The following SMC3 variants were observed in gnomAD, a reference collection of about 807,000 sequenced individuals.
The protein encoded by SMC3 is structural maintenance of chromosomes 3.
SMC3 carries 20 observed loss-of-function variants against 171.8 expected under a neutral mutation model. The ratio of observed to expected loss-of-function variants is 0.12; its 90% CI spans 0.08 to 0.17. SMC3 has a LOEUF of 0.17. Among genes scored for constraint, SMC3 ranks in the 10% least tolerant of loss-of-function variants. The pLI is 1.00. For synonymous variants in SMC3, 464 were observed against 451.1 expected, an observed-to-expected ratio of 1.03 and a Z score of -0.36; for missense variants, 543 against 1,420.4, an observed-to-expected ratio of 0.38 and a Z score of 9.93.
At chr10:110,582,710 C>G in intron 10 of SMC3, 68 bp downstream of exon 10, 1 of 1,237,684 alleles carries the variant, frequency 8.1e-7, no homozygotes, top group Non-Finnish European at 1.2e-6. Flanking sequence ...GTTCTGTCAT[C>G]CAGGCTGGAG....
At position 110,605,700 on chromosome 10, in the gene SMC3, T is replaced by TATC. The variant is rs535235119; in HGVS notation, c.*1399_*1401dup. Among the ~76,000 whole-genome samples the TATC allele has an allele frequency of 1.1e-4, 17 of 152,218 alleles. No individual in the cohort carries two copies. Among genetic ancestry groups the TATC allele is most frequent in the Admixed American group, 3.9e-4 (6 of 15,282 alleles). On this transcript the variant is annotated 3_prime_UTR_variant, in exon 29 of 29. Coordinates refer to ENST00000361804, the MANE Select transcript of SMC3 (RefSeq NM_005445.4). ...ATAATAGAGAATTTGGTATATGTTCTATCTATGACTACATTCAAAGGGTTA... is the reference window on the plus strand; with the variant it reads ...ATAATAGAGAATTTGGTATATGTTCTATCATCTATGACTACATTCAAAGGGTTA...
intron 5 of SMC3, 114 bp downstream of exon 5, chr10:110,577,606 C>T (rs1037035506): frequency 3.9e-6 from 3 of 767,396 alleles, no homozygotes; most frequent in East Asian, 5.4e-5. Flanking sequence ...AGTTTATATA[C>T]TGATTTTATC....
chr10:110,584,534 G>A, intron 13 of SMC3, 138 bp downstream of exon 13: 1 of 649,696 alleles, frequency 1.5e-6, no homozygotes, highest in Admixed American at 2.9e-5. Context: ...TTTAGAAAAG[G>A]CCTGCACAGT....
chr10:110,602,803 C>G, intron 26 of SMC3, 22 bp from the exon 27 acceptor site: 2 of 1,607,086 alleles, frequency 1.2e-6, no homozygotes, highest in Non-Finnish European at 1.7e-6. Flanking sequence ...AGGATATTAA[C>G]TCATAATATG....
At chr10:110,593,419 A>C (rs1325025939) in intron 18 of SMC3, among the ~76,000 whole-genome samples, 196 bp downstream of exon 18, 5 of 152,120 alleles carry the variant, frequency 3.3e-5, no homozygotes, top group Non-Finnish European at 1.5e-5. Flanking sequence ...TAAAAATACA[A>C]AGATTAGCTG....
chr10:110,602,746 C>T lies in SMC3; in HGVS notation c.3298-79C>T, dbSNP rs964581450. The T allele has an allele frequency of 9.7e-6, 15 of 1,552,750 alleles. No homozygotes were observed. In the African/African-American group the frequency reaches 1.2e-4, roughly 13 times the overall value. ...GTATCTTTTGCAAATCTGATTGGTG[C>T]ATTATATGCAAGTTACTTTTGAAAG... On this transcript the variant is annotated intron_variant, in intron 26 of 28. Coordinates refer to ENST00000361804, the MANE Select transcript of SMC3 (RefSeq NM_005445.4).
At position 110,580,886 on chromosome 10, in the gene SMC3, T is replaced by A. The variant is rs1363252909; in HGVS notation, c.430-18T>A. ...GGAGGCTACAGCTATGTAATGATTA[T>A]TTTTCTAAAAATTTTAGATCAACCA... On this transcript the variant is annotated intron_variant, in intron 7 of 28. Transcript: ENST00000361804. 3 of 1,371,014 alleles carry A rather than the reference T, an allele frequency of 2.2e-6. No individual in the cohort carries two copies. The South Asian group carries it at 3.5e-5, about 16-fold the overall frequency. 84.9% of individuals were successfully genotyped at this position (1,371,014 alleles called of 1,614,324 possible).
chr10:110,604,352 C>G lies in SMC3; in HGVS notation c.*50C>G, dbSNP rs368890227. The G allele has an allele frequency of 1.0e-4, 132 of 1,302,516 alleles. No homozygotes were observed. Among genetic ancestry groups the G allele is most frequent in the Non-Finnish European group, 8.8e-5 (79 of 898,788 alleles). The allele number at this position is 1,302,516 out of a possible 1,614,324, so 80.7% of individuals were successfully genotyped here. On this transcript the variant is annotated 3_prime_UTR_variant, in exon 29 of 29. Transcript: ENST00000361804. ...GGGAGATGTATATAGTAATATGATTCTCATACCCAGGAACTGTAAATTTAA... is the reference window on the plus strand; with the variant it reads ...GGGAGATGTATATAGTAATATGATTGTCATACCCAGGAACTGTAAATTTAA...
At chr10:110,595,069 G>A (rs555403744) in intron 18 of SMC3, among the ~76,000 whole-genome samples, 5 of 151,084 alleles carry the variant, frequency 3.3e-5, no homozygotes, top group Admixed American at 6.6e-5. Flanking sequence ...TACAACCTCC[G>A]CCTCGCAGGT....
intron 16 of SMC3, 62 bp downstream of exon 16, chr10:110,590,634 CTT>C: frequency 1.0e-5 from 15 of 1,448,552 alleles, no homozygotes; most frequent in Non-Finnish European, 1.5e-5. Flanking sequence ...GCTTAAACAA[CTT>C]TTGTAGTTTT....
intron 13 of SMC3, among the ~76,000 whole-genome samples, chr10:110,588,752 C>A (rs1369668951): frequency 6.6e-6 from 1 of 152,162 alleles, no homozygotes; most frequent in Non-Finnish European, 1.5e-5. Flanking sequence ...TTAATGAATA[C>A]AGTTCATTAA....
chr10:110,600,460 G>A lies in SMC3; in HGVS notation c.2449G>A (p.Glu817Lys). The change falls in exon 22 of 29, where the codon GAA (glutamate) becomes AAA (lysine). Residue 817 changes from glutamate to lysine, a missense_variant. By Grantham distance (56) the Glu-to-Lys change is moderately conservative. This residue lies in a region of SMC3 where 218 missense variants were observed against 509.6 expected (regional missense o/e 0.43). Transcript: ENST00000361804. ...CTAGGAAAACAGACAGTTGCTAAAT[G>A]AAAGAATTAAATTAGAAGGTATTAT... ...LQQENRQLLN[E>K]RIKLEGIITR... The A allele has an allele frequency of 1.9e-6, 3 of 1,570,196 alleles. No individual in the cohort carries two copies. The highest frequency in any genetic ancestry group is 2.6e-6 in the Non-Finnish European group (3 of 1,140,550).
chr10:110,602,336 T>C (rs934149271), intron 25 of SMC3, 138 bp from the exon 26 acceptor site: 2 of 950,260 alleles, frequency 2.1e-6, no homozygotes, highest in Non-Finnish European at 3.3e-6. Context: ...TTGAATGTTT[T>C]ACACAGCCCT....
At chr10:110,571,697 G>C (rs1352996293) in intron 2 of SMC3, among the ~76,000 whole-genome samples, 1 of 152,150 alleles carries the variant, frequency 6.6e-6, no homozygotes, top group Non-Finnish European at 1.5e-5. Flanking sequence ...TGAGAAAGGT[G>C]AATCTGGGGC....
intron 17 of SMC3, among the ~76,000 whole-genome samples, chr10:110,592,502 A>AT (rs1446669915): frequency 6.6e-6 from 1 of 152,158 alleles, no homozygotes; most frequent in Non-Finnish European, 1.5e-5. Context: ...TATTTTCATA[A>AT]TTTTAAAAAC....
At chr10:110,570,384 T>C (rs1860852344) in intron 2 of SMC3, among the ~76,000 whole-genome samples, 1 of 151,886 alleles carries the variant, frequency 6.6e-6, no homozygotes, top group African/African-American at 2.4e-5. Flanking sequence ...TTTTTTGCCC[T>C]CGATTTATCA....
chr10:110,601,264 A>G lies in SMC3; in HGVS notation c.2644+134A>G, dbSNP rs1386736243. The stretch of plus-strand genomic sequence containing the variant: ...TTCCATTATAAACAATGTATAGCAA[A>G]TGGAATTTAGGAAGTTGACTATAAA... On this transcript the variant is annotated intron_variant, in intron 23 of 28. Coordinates refer to ENST00000361804, the MANE Select transcript of SMC3 (RefSeq NM_005445.4). The G allele has an allele frequency of 5.6e-6, 4 of 710,830 alleles. No individual in the cohort carries two copies. In the Admixed American group the frequency reaches 7.1e-5, roughly 13 times the overall value. 44.0% of individuals were successfully genotyped at this position (710,830 alleles called of 1,614,324 possible).
In SMC3 at chr10:110,605,600, A is replaced by G. The variant is rs1001451405; in HGVS notation, c.*1298A>G. ...AAATGTGAGTTTACTTTGGGTTTTC[A>G]TTTTGACTGGCTGAATCTTTAAATG... is the stretch of plus-strand genomic sequence containing the variant. On this transcript the variant is annotated 3_prime_UTR_variant, in exon 29 of 29. Transcript: ENST00000361804. 6.6e-6 allele frequency among the ~76,000 whole-genome samples: 1 copy of G among 152,166 alleles called. No individual in the cohort carries two copies. The highest frequency in any genetic ancestry group is 2.4e-5 in the African/African-American group (1 of 41,458).
chr10:110,575,045 G>C (rs1464148236), intron 3 of SMC3, among the ~76,000 whole-genome samples: 1 of 152,050 alleles, frequency 6.6e-6, no homozygotes, highest in Non-Finnish European at 1.5e-5. Context: ...TTGAGCCAGA[G>C]GTATACCTTA....
Sources: gnomAD v4.1 joint callset for allele counts (sites outside exome capture counted in the v4.1 genomes callset) on GRCh38, gnomAD v4.1.1 for gene constraint, gnomAD v4.1.1 regional missense constraint, MANE v1.5 for transcripts, NCBI Gene and HGNC (gene_info 2026-07-23, HGNC 2026-07-21) for gene names.